Variants in TRDN observed in about 807,000 individuals in gnomAD.
TRDN encodes the protein triadin, also known as triadin in skeletal muscle.
A neutral mutation model predicts 149.7 loss-of-function variants in TRDN; 161 were observed. That is an observed-to-expected ratio of 1.08 (90% CI 0.95 to 1.23). The LOEUF is 1.23. Among genes scored for constraint, TRDN ranks in the 50% most tolerant of loss-of-function variants. TRDN has a pLI of 0.00. For synonymous variants in TRDN, 294 were observed against 250.5 expected, an observed-to-expected ratio of 1.17 and a Z score of -1.64; for missense variants, 896 against 823.5, an observed-to-expected ratio of 1.09 and a Z score of -1.08.
chr6:123,293,686 T>C (rs1390776242), intron 24 of TRDN, among the ~76,000 whole-genome samples: 1 of 152,172 alleles, frequency 6.6e-6, no homozygotes, highest in African/African-American at 2.4e-5. Context: ...GGGCTTCTGT[T>C]TGTGCCCCCT....
intron 10 of TRDN, chr6:123,462,273 C>T (rs995918784): frequency 8.5e-5 from 13 of 152,218 alleles, no homozygotes; most frequent in African/African-American, 3.1e-4. Flanking sequence ...GGGGACAACA[C>T]AGAAATCCAA....
chr6:123,465,163 G>A (rs192798432), intron 9 of TRDN, among the ~76,000 whole-genome samples, 180 bp from the exon 10 acceptor site: 31 of 152,212 alleles, frequency 2.0e-4, no homozygotes, highest in African/African-American at 6.3e-4. Context: ...AGACACCTTC[G>A]CGGATTCAGT....
intron 24 of TRDN, among the ~76,000 whole-genome samples, chr6:123,314,929 C>A (rs1778970204): frequency 6.6e-6 from 1 of 151,902 alleles, no homozygotes; most frequent in African/African-American, 2.4e-5. Flanking sequence ...ATAATTGGTA[C>A]AACAAACCCC....
At chr6:123,218,916 C>T (rs72972622) in intron 40 of TRDN, among the ~76,000 whole-genome samples, 176 bp from the exon 41 acceptor site, 8 of 151,946 alleles carry the variant, frequency 5.3e-5, no homozygotes, top group Non-Finnish European at 8.8e-5. Flanking sequence ...ATCAAAACAA[C>T]GAAAACCGCA....
chr6:123,396,203 T>C (rs1772724336), intron 12 of TRDN, among the ~76,000 whole-genome samples: 1 of 152,180 alleles, frequency 6.6e-6, no homozygotes, highest in South Asian at 2.1e-4. Flanking sequence ...TCATTATAAA[T>C]AATTTTTCTG....
intron 1 of TRDN, among the ~76,000 whole-genome samples, chr6:123,572,698 A>G (rs1923183): frequency 6.6e-6 from 1 of 151,864 alleles, no homozygotes; most frequent in South Asian, 2.1e-4. Context: ...ATTTTTGCCA[A>G]AAGCAAAGTT....
intron 35 of TRDN, among the ~76,000 whole-genome samples, 190 bp from the exon 36 acceptor site, chr6:123,256,092 C>G (rs1405671699): frequency 6.6e-6 from 1 of 152,030 alleles, no homozygotes; most frequent in African/African-American, 2.4e-5. Context: ...CTCCCCTTAA[C>G]CCCCACCCTC....
At chr6:123,601,661 A>C (rs1784286044) in intron 1 of TRDN, among the ~76,000 whole-genome samples, 1 of 152,128 alleles carries the variant, frequency 6.6e-6, no homozygotes, top group African/African-American at 2.4e-5. Context: ...ACACATTCTC[A>C]CTTCTTTGTC....
chr6:123,505,028 G>A (rs1778855403), intron 7 of TRDN, among the ~76,000 whole-genome samples: 2 of 152,032 alleles, frequency 1.3e-5, no homozygotes, highest in Admixed American at 1.3e-4. Flanking sequence ...GGCGGGTCAT[G>A]AGGTCAGCAG....
At chr6:123,506,214 C>T (rs544117660) in intron 7 of TRDN, among the ~76,000 whole-genome samples, 1 of 152,286 alleles carries the variant, frequency 6.6e-6, no homozygotes, top group Admixed American at 6.5e-5. Flanking sequence ...CCTGGGCTCA[C>T]AGCTAGTTGC....
chr6:123,245,609 A>G (rs1383924903), intron 38 of TRDN, among the ~76,000 whole-genome samples: 1 of 152,174 alleles, frequency 6.6e-6, no homozygotes, highest in African/African-American at 2.4e-5. Flanking sequence ...TTAGAAACCT[A>G]CAAAGAGACT....
At chr6:123,275,412 A>C (rs1777337619) in intron 26 of TRDN, among the ~76,000 whole-genome samples, 1 of 152,116 alleles carries the variant, frequency 6.6e-6, no homozygotes, top group African/African-American at 2.4e-5. Flanking sequence ...TTGCCAGAAA[A>C]CACCAGAAGC....
Position 123,269,859 on chromosome 6 carries a change from G to T in TRDN, c.1728C>A (p.Pro576=), listed in dbSNP as rs764651389. The T allele has an allele frequency of 6.2e-7, 1 of 1,610,414 alleles. No homozygotes were observed. Among genetic ancestry groups the T allele is most frequent in the Non-Finnish European group, 8.5e-7 (1 of 1,177,984 alleles). Residue 576 remains proline, a synonymous_variant, in exon 31 of 41, where the codon CCC becomes CCA. Coordinates refer to ENST00000334268, the MANE Select transcript of TRDN (RefSeq NM_006073.4). ...CTATTCATCTCTTACTTGTTGGTTTGGGCTTGGCTGTGGAGAATGGAGGCA... is the reference window on the plus strand; with the variant it reads ...CTATTCATCTCTTACTTGTTGGTTTTGGCTTGGCTGTGGAGAATGGAGGCA... The part of the protein sequence containing the change: ...KAVTIEKTAK[P]KPTKKAEHRE...
At chr6:123,559,665 G>C in intron 2 of TRDN, among the ~76,000 whole-genome samples, 1 of 152,160 alleles carries the variant, frequency 6.6e-6, no homozygotes, top group East Asian at 1.9e-4. Flanking sequence ...GTTATCTCTC[G>C]CCTGCTACAG....
intron 19 of TRDN, among the ~76,000 whole-genome samples, chr6:123,370,089 A>G (rs1323342245): frequency 6.6e-6 from 1 of 152,184 alleles, no homozygotes; most frequent in Non-Finnish European, 1.5e-5. Flanking sequence ...ACATTTGTGC[A>G]CATTCTAATG....
chr6:123,405,755 A>AT (rs940024613), intron 12 of TRDN, among the ~76,000 whole-genome samples: 3 of 152,150 alleles, frequency 2.0e-5, no homozygotes, highest in African/African-American at 4.8e-5. Flanking sequence ...ATAACTGCAA[A>AT]TTTTTTTTAA....
In TRDN at chr6:123,381,219, G is replaced by A. The variant is rs535024262; in HGVS notation, c.1186+151C>T. On this transcript the variant is annotated intron_variant, in intron 16 of 40. Transcript: ENST00000334268. The stretch of plus-strand genomic sequence containing the variant: ...CTCAGTCCACTCTAACCCCCAGACT[G>A]TGTATTTTTTCACTTGGACAAAAAA... 1.2e-4 allele frequency: 80 copies of A among 681,770 alleles called. No homozygotes were observed. The East Asian group carries it at 2.1e-3, about 18-fold the overall frequency. 42.2% of individuals were successfully genotyped at this position (681,770 alleles called of 1,614,324 possible). A position where few individuals can be genotyped will look rare whatever the true frequency, so the allele number is the denominator to read the frequency against.
intron 9 of TRDN, among the ~76,000 whole-genome samples, chr6:123,468,452 T>C (rs528048609): frequency 6.6e-6 from 1 of 152,306 alleles, no homozygotes; most frequent in Admixed American, 6.5e-5. Context: ...TACTTTATTG[T>C]TCTGAGTTCT....
At position 123,521,179 on chromosome 6, in the gene TRDN, G is replaced by GT. The variant is rs200635389; in HGVS notation, c.485-4974dup. On this transcript the variant is annotated intron_variant, in intron 5 of 40. Transcript: ENST00000334268. ...TCACCCTTTTTAAAAACAATCCTTT[G>GT]TTTTTTGTGCATATGATATTGTTAT... is the stretch of plus-strand genomic sequence containing the variant. Among the ~76,000 whole-genome samples the GT allele has an allele frequency of 1.4e-3, 211 of 152,092 alleles. 3 individuals are homozygous for GT. In the East Asian group the frequency reaches 0.024, roughly 17 times the overall value.
Sources: gnomAD v4.1 joint callset for allele counts (sites outside exome capture counted in the v4.1 genomes callset) on GRCh38, gnomAD v4.1.1 for gene constraint, MANE v1.5 for transcripts, NCBI Gene and HGNC (gene_info 2026-07-23, HGNC 2026-07-21) for gene names.